Variants in RBPJ observed in about 807,000 individuals in gnomAD.
RBPJ encodes recombination signal binding protein for immunoglobulin kappa J region, also known as recombining binding protein suppressor of hairless.
In RBPJ, 9 loss-of-function variants were observed where a neutral mutation model predicts 67.8. The observed-to-expected ratio is 0.13, with a 90% confidence interval of 0.08 to 0.23. The LOEUF is 0.23. RBPJ is among the 10% of genes least tolerant of loss of function. The pLI, the probability that RBPJ is intolerant of heterozygous loss-of-function variation, is 1.00. For synonymous variants in RBPJ, 198 were observed against 203.3 expected (o/e 0.97, Z 0.22); for missense variants, 305 against 595.6 (o/e 0.51, Z 5.08).
chr4:26,385,591 C>T (rs1055753335), intron 1 of RBPJ, among the ~76,000 whole-genome samples: 1 of 152,110 alleles, frequency 6.6e-6, no homozygotes, highest in African/African-American at 2.4e-5. Context: ...TGCCCTCTCC[C>T]AACCAGTTGA....
chr4:26,147,951 A>G, the RBPJ span, among the ~76,000 whole-genome samples: 1 of 152,216 alleles, frequency 6.6e-6, no homozygotes, highest in Admixed American at 6.5e-5. Context: ...ACTTTGTTAG[A>G]AATGCACATT....
At chr4:26,301,502 G>A (rs951177611) in intron 1 of RBPJ, among the ~76,000 whole-genome samples, 1 of 151,636 alleles carries the variant, frequency 6.6e-6, no homozygotes. Context: ...TGAGGCAGGA[G>A]AATGGCGTGA....
chr4:26,397,220 T>C (rs1732212705), intron 2 of RBPJ, among the ~76,000 whole-genome samples: 1 of 152,188 alleles, frequency 6.6e-6, no homozygotes, highest in Non-Finnish European at 1.5e-5. Flanking sequence ...ATTGTGGAGC[T>C]CACTTTGAGA....
chr4:26,231,687 C>G (rs2109205640), intron 1 of RBPJ, among the ~76,000 whole-genome samples: 1 of 151,920 alleles, frequency 6.6e-6, no homozygotes, highest in East Asian at 1.9e-4. Context: ...GTTGGGATTA[C>G]AGGCATGAGC....
chr4:26,115,958 C>A, the RBPJ span, among the ~76,000 whole-genome samples: 82 of 142,490 alleles, frequency 5.8e-4, no homozygotes, highest in Admixed American at 6.2e-4. Flanking sequence ...AAAAAAAAAA[C>A]TCTACAATAG....
At chr4:26,197,613 AAAC>A in intron 1 of RBPJ, among the ~76,000 whole-genome samples, 1 of 152,164 alleles carries the variant, frequency 6.6e-6, no homozygotes, top group Non-Finnish European at 1.5e-5. Context: ...AATGGAAACC[AAAC>A]AACAACGGAT....
intron 1 of RBPJ, among the ~76,000 whole-genome samples, chr4:26,246,387 T>C (rs1719929629): frequency 6.6e-6 from 1 of 152,236 alleles, no homozygotes; most frequent in Non-Finnish European, 1.5e-5. Context: ...AAATTTGACT[T>C]TGGTATATTG....
chr4:26,214,709 G>C, intron 1 of RBPJ, among the ~76,000 whole-genome samples: 1 of 62,892 alleles, frequency 1.6e-5, no homozygotes, highest in African/African-American at 9.9e-5. Context: ...TGGAAGGAAG[G>C]AAGGAGAGAG....
chr4:26,434,215 C>T lies in RBPJ; in HGVS notation c.*3208C>T, dbSNP rs758812895. The T allele has an allele frequency of 1.1e-4, 17 of 152,192 alleles. No individual in the cohort carries two copies. The highest frequency in any genetic ancestry group is 1.6e-4 in the Non-Finnish European group (11 of 68,024). The allele number at this position is 152,192 out of a possible 1,614,324, so 9.4% of individuals were successfully genotyped here. A position where few individuals can be genotyped will look rare whatever the true frequency, so the allele number is the denominator to read the frequency against. Reference sequence around the variant, plus strand: ...CATGACTTAATCGTGAAATGTTTGTCACTCTTACTGCACAGACTTATCTGC... The same window carrying T: ...CATGACTTAATCGTGAAATGTTTGTTACTCTTACTGCACAGACTTATCTGC... On this transcript the variant is annotated 3_prime_UTR_variant, in exon 11 of 11. Coordinates refer to ENST00000355476, the MANE Select transcript of RBPJ (RefSeq NM_015874.6).
intron 2 of RBPJ, among the ~76,000 whole-genome samples, chr4:26,404,761 A>G (rs955151676): frequency 1.3e-5 from 2 of 152,166 alleles, no homozygotes; most frequent in Non-Finnish European, 2.9e-5. Flanking sequence ...CTTAGCCTGA[A>G]TGTGCAGTTA....
chr4:26,133,512 G>A, the RBPJ span, among the ~76,000 whole-genome samples: 23 of 152,160 alleles, frequency 1.5e-4, no homozygotes, highest in African/African-American at 5.3e-4. Flanking sequence ...GACCCATATG[G>A]TCCATGGCCT....
intron 1 of RBPJ, among the ~76,000 whole-genome samples, chr4:26,348,922 G>A (rs901094554): frequency 6.6e-6 from 1 of 152,050 alleles, no homozygotes; most frequent in Non-Finnish European, 1.5e-5. Flanking sequence ...GCTCAGGCTG[G>A]TCTTAAACTC....
intron 2 of RBPJ, among the ~76,000 whole-genome samples, chr4:26,401,589 T>C (rs937601973): frequency 1.3e-5 from 2 of 152,178 alleles, no homozygotes; most frequent in Admixed American, 1.3e-4. Flanking sequence ...TTTACCCGAG[T>C]TGTCATGAAA....
intron 1 of RBPJ, among the ~76,000 whole-genome samples, chr4:26,237,169 T>C (rs929083972): frequency 1.3e-5 from 2 of 152,186 alleles, no homozygotes; most frequent in African/African-American, 4.8e-5. Flanking sequence ...ACCTTATCAC[T>C]ACCTGATCAC....
At chr4:26,132,854 C>T in the RBPJ span, among the ~76,000 whole-genome samples, 1 of 152,156 alleles carries the variant, frequency 6.6e-6, no homozygotes, top group Non-Finnish European at 1.5e-5. Context: ...GGGGCAGGGT[C>T]CTTACCTAAC....
chr4:26,303,031 G>A (rs948952090), intron 1 of RBPJ, among the ~76,000 whole-genome samples: 2 of 151,586 alleles, frequency 1.3e-5, no homozygotes, highest in Non-Finnish European at 2.9e-5. Context: ...CAATACAAAA[G>A]TTTGCTGGGC....
rs1275439900 is a variant in RBPJ at position 26,384,262 on chromosome 4, A to G, written c.21-2091A>G. On this transcript the variant is annotated intron_variant, in intron 1 of 10. Transcript: ENST00000355476. ...GCCCATTTTTTGTGCTATTTCAATT[A>G]AAGCCATTTTTCAATATTTTAGGTT... 5.9e-5 allele frequency among the ~76,000 whole-genome samples: 9 copies of G among 152,354 alleles called. No individual in the cohort carries two copies. The South Asian group carries it at 1.7e-3, about 28-fold the overall frequency.
chr4:26,131,876 C>T, the RBPJ span, among the ~76,000 whole-genome samples: 1,009 of 152,322 alleles, frequency 6.6e-3, 13 homozygotes, highest in African/African-American at 0.023. Flanking sequence ...TCCCACCTCT[C>T]CCCTCACCAC....
At chr4:26,119,604 C>T in the RBPJ span, among the ~76,000 whole-genome samples, 1 of 152,198 alleles carries the variant, frequency 6.6e-6, no homozygotes, top group Admixed American at 6.5e-5. Context: ...TATCCACATT[C>T]TACCCATCCT....
Sources: allele counts gnomAD v4.1 joint callset (sites outside exome capture counted in the v4.1 genomes callset), GRCh38; gene constraint gnomAD v4.1.1; transcripts MANE v1.5; gene names NCBI Gene and HGNC (gene_info 2026-07-23, HGNC 2026-07-21).